ARHGAP42: variants seen among roughly 807,000 people sequenced by gnomAD.
ARHGAP42 encodes the protein rho GTPase-activating protein 42.
In ARHGAP42, 63 loss-of-function variants were observed where a neutral mutation model predicts 125.0. That is an observed-to-expected ratio of 0.50 (90% CI 0.41 to 0.62). The LOEUF is 0.62. Ranked by LOEUF, ARHGAP42 falls within the 20% of genes least tolerant of loss-of-function variation. The probability of loss-of-function intolerance (pLI) is 0.00; values close to 1 mark genes in which losing one functional copy is unlikely to be tolerated. For missense variants in ARHGAP42, 766 were observed against 1,024.2 expected, an observed-to-expected ratio of 0.75 and a Z score of 3.44; for synonymous variants, 339 against 351.0, an observed-to-expected ratio of 0.97 and a Z score of 0.38.
intron 22 of ARHGAP42, among the ~76,000 whole-genome samples, chr11:100,984,750 A>G (rs920057517): frequency 6.6e-6 from 1 of 151,954 alleles, no homozygotes; most frequent in Admixed American, 6.6e-5. Context: ...AAGCAGTAAG[A>G]GGCAGGATTT....
intron 22 of ARHGAP42, among the ~76,000 whole-genome samples, chr11:100,982,678 C>A (rs978658672): frequency 1.3e-5 from 2 of 152,138 alleles, no homozygotes; most frequent in Non-Finnish European, 2.9e-5. Context: ...GCAAGCTATA[C>A]AAATATGTTT....
intron 2 of ARHGAP42, 64 bp downstream of exon 2, chr11:100,770,502 C>T: frequency 1.8e-6 from 2 of 1,096,764 alleles, no homozygotes; most frequent in Non-Finnish European, 2.6e-6. Context: ...CAAATAGACA[C>T]ACACCTAAAT....
At chr11:100,759,563 G>C (rs1862656162) in intron 1 of ARHGAP42, among the ~76,000 whole-genome samples, 1 of 152,070 alleles carries the variant, frequency 6.6e-6, no homozygotes, top group Non-Finnish European at 1.5e-5. Context: ...TAGACACAAA[G>C]AAGTATAATA....
intron 4 of ARHGAP42, among the ~76,000 whole-genome samples, chr11:100,882,974 C>G (rs959022957): frequency 1.3e-5 from 2 of 152,164 alleles, no homozygotes; most frequent in Non-Finnish European, 1.5e-5. Flanking sequence ...TCTAATTGAC[C>G]TTATTTGGAT....
intron 3 of ARHGAP42, among the ~76,000 whole-genome samples, chr11:100,858,183 G>A (rs1865368624): frequency 6.6e-6 from 1 of 151,030 alleles, no homozygotes; most frequent in Non-Finnish European, 1.5e-5. Context: ...TTAAAAGTGA[G>A]CTATTTTACT....
At chr11:100,859,145 A>G (rs569378219) in intron 3 of ARHGAP42, among the ~76,000 whole-genome samples, 6 of 152,196 alleles carry the variant, frequency 3.9e-5, no homozygotes, top group Non-Finnish European at 8.8e-5. Flanking sequence ...GTAGAATTCT[A>G]CCATTCTAAT....
intron 3 of ARHGAP42, among the ~76,000 whole-genome samples, chr11:100,829,214 A>G (rs517349): frequency 0.07 from 10,643 of 152,002 alleles, 519 homozygotes; most frequent in East Asian, 0.25. Flanking sequence ...GCTTGGGGAA[A>G]AAAAGCATGG....
intron 3 of ARHGAP42, among the ~76,000 whole-genome samples, chr11:100,841,013 GT>G (rs1185652138): frequency 2.6e-5 from 4 of 152,116 alleles, no homozygotes; most frequent in Non-Finnish European, 5.9e-5. Flanking sequence ...TATTTTCAGT[GT>G]AGTATAACTT....
intron 3 of ARHGAP42, among the ~76,000 whole-genome samples, chr11:100,847,600 A>T (rs1293244681): frequency 6.6e-6 from 1 of 152,238 alleles, no homozygotes; most frequent in East Asian, 1.9e-4. Context: ...GTCGTGAAAC[A>T]CAGGGCTGAG....
At chr11:100,917,551 G>A (rs950647761) in intron 5 of ARHGAP42, among the ~76,000 whole-genome samples, 2 of 151,928 alleles carry the variant, frequency 1.3e-5, no homozygotes, top group African/African-American at 4.8e-5. Context: ...GTTAATGCTA[G>A]TATTATGATT....
intron 3 of ARHGAP42, among the ~76,000 whole-genome samples, chr11:100,824,144 A>C (rs1424082320): frequency 6.6e-6 from 1 of 152,070 alleles, no homozygotes; most frequent in Non-Finnish European, 1.5e-5. Flanking sequence ...TCCCCCACCC[A>C]CCGGCAGCAT....
chr11:100,974,618 C>T lies in ARHGAP42; in HGVS notation c.1855+15C>T, dbSNP rs769800313. 3.1e-5 allele frequency: 48 copies of T among 1,535,954 alleles called. No homozygotes were observed. Among genetic ancestry groups the T allele is most frequent in the Non-Finnish European group, 4.0e-5 (46 of 1,137,978 alleles). ...CGAACCTGATAGTAAGTGCACCCGG[C>T]CTTAGGGAGATGCTTTCTTCATTCT... On this transcript the variant is annotated intron_variant, in intron 19 of 23. Coordinates refer to ENST00000298815, the MANE Select transcript of ARHGAP42 (RefSeq NM_152432.4).
Position 100,988,584 on chromosome 11 carries a change from G to T in ARHGAP42, c.2537-129G>T, listed in dbSNP as rs942027053. On this transcript the variant is annotated intron_variant, in intron 23 of 23. Coordinates refer to ENST00000298815, the MANE Select transcript of ARHGAP42 (RefSeq NM_152432.4). ...CATGCACAGTTTCTGGTATCCACAA[G>T]GGGTCCTGGAACTAATCCCCCACAG... is the stretch of plus-strand genomic sequence containing the variant. 2.6e-5 allele frequency: 17 copies of T among 651,726 alleles called. 1 individual carries two copies. In the East Asian group the frequency reaches 4.7e-4, roughly 18 times the overall value. The allele number at this position is 651,726 out of a possible 1,614,324, so 40.4% of individuals were successfully genotyped here.
intron 1 of ARHGAP42, among the ~76,000 whole-genome samples, chr11:100,758,875 A>G (rs943799685): frequency 5.3e-5 from 8 of 152,310 alleles, no homozygotes; most frequent in Non-Finnish European, 7.3e-5. Flanking sequence ...TGAGTCTGAC[A>G]CCAATATCCT....
chr11:100,984,165 A>T (rs1224952048), intron 22 of ARHGAP42, among the ~76,000 whole-genome samples: 1 of 151,936 alleles, frequency 6.6e-6, no homozygotes, highest in Admixed American at 6.6e-5. Context: ...ATTAGTGCCA[A>T]AGGAACAAAT....
intron 3 of ARHGAP42, among the ~76,000 whole-genome samples, chr11:100,805,531 C>T (rs1030599577): frequency 6.6e-6 from 1 of 151,934 alleles, no homozygotes; most frequent in African/African-American, 2.4e-5. Flanking sequence ...GAATTTGGGG[C>T]GAGTCTGTAA....
intron 5 of ARHGAP42, among the ~76,000 whole-genome samples, chr11:100,918,981 A>T (rs1012460803): frequency 1.3e-5 from 2 of 152,198 alleles, no homozygotes; most frequent in East Asian, 1.9e-4. Flanking sequence ...TGCTTGGAGA[A>T]CTCACAGGAC....
At chr11:100,814,646 T>A (rs879298101) in intron 3 of ARHGAP42, among the ~76,000 whole-genome samples, 18 of 152,194 alleles carry the variant, frequency 1.2e-4, no homozygotes, top group Admixed American at 1.1e-3. Flanking sequence ...TAGGAACATC[T>A]TACATGGCAC....
intron 3 of ARHGAP42, among the ~76,000 whole-genome samples, chr11:100,831,494 G>T (rs537213737): frequency 2.0e-5 from 3 of 152,166 alleles, no homozygotes; most frequent in Non-Finnish European, 4.4e-5. Flanking sequence ...GAGGAGTCAA[G>T]AAAATATCCG....
Sources: allele counts gnomAD v4.1 joint callset (sites outside exome capture counted in the v4.1 genomes callset), GRCh38; gene constraint gnomAD v4.1.1; transcripts MANE v1.5; gene names NCBI Gene and HGNC (gene_info 2026-07-23, HGNC 2026-07-21).